ABL2: variants seen among roughly 807,000 people sequenced by gnomAD.
The protein encoded by ABL2 is tyrosine-protein kinase ABL2.
A neutral mutation model predicts 107.7 loss-of-function variants in ABL2; 49 were observed. The ratio of observed to expected loss-of-function variants is 0.45; its 90% CI spans 0.36 to 0.58. The LOEUF is 0.58. Ranked by LOEUF, ABL2 falls within the 20% of genes least tolerant of loss-of-function variation. ABL2 has a pLI of 0.00. For synonymous variants in ABL2, 549 were observed against 548.6 expected (o/e 1.00, Z -0.01); for missense variants, 1,245 against 1,457.0 (o/e 0.85, Z 2.37).
chr1:179,172,635 CAG>C (rs1360895914), intron 1 of ABL2, among the ~76,000 whole-genome samples: 1 of 152,112 alleles, frequency 6.6e-6, no homozygotes, highest in Non-Finnish European at 1.5e-5. Context: ...TCATAGGATA[CAG>C]AGTTAAAATA....
intron 1 of ABL2, chr1:179,201,645 T>C (rs1571308248): frequency 6.2e-6 from 3 of 487,570 alleles, no homozygotes; most frequent in Non-Finnish European, 1.1e-5. Context: ...AGAGTCTTCC[T>C]TTCGGGATAG....
At chr1:179,146,096 T>C (rs1472999104) in intron 1 of ABL2, among the ~76,000 whole-genome samples, 1 of 152,162 alleles carries the variant, frequency 6.6e-6, no homozygotes, top group Non-Finnish European at 1.5e-5. Context: ...GGTTTTGCCA[T>C]GTTGGCCAGG....
At position 179,107,823 on chromosome 1, in the gene ABL2, CT is replaced by C; in HGVS notation, c.3443del (p.Gln1148ArgfsTer39). On this transcript the variant is annotated frameshift_variant, in exon 12 of 12. Transcript: ENST00000502732. LOFTEE classifies it high-confidence loss of function. ...EAVSKLELSL[Q>X]ELQVSSAAAG... is the part of the protein sequence containing the mutation. ...CAGCTGCTGAAGAAACCTGTAGCTCCTGCAGGCTGAGTTCCAGTTTGCTCAC... is the reference window on the plus strand; with the variant it reads ...CAGCTGCTGAAGAAACCTGTAGCTCCGCAGGCTGAGTTCCAGTTTGCTCAC... 1 of 1,614,234 alleles carries C rather than the reference CT, an allele frequency of 6.2e-7. No individual in the cohort carries two copies. Among genetic ancestry groups the C allele is most frequent in the Middle Eastern group, 1.6e-4 (1 of 6,062 alleles).
Position 179,110,979 on chromosome 1 carries a change from GCTTT to G in ABL2, c.1652-528_1652-525del. The G allele has an allele frequency of 9.4e-6, 10 of 1,067,610 alleles. No individual in the cohort carries two copies. In the East Asian group the frequency reaches 1.1e-4, roughly 12 times the overall value. 66.1% of individuals were successfully genotyped at this position (1,067,610 alleles called of 1,614,324 possible). ...CTAAAATTTGATGTTATTATTTTTG[GCTTT>G]TTTTTTTTTTTTTTTTTGCAGATGG... On this transcript the variant is annotated intron_variant, in intron 10 of 11. Coordinates refer to ENST00000502732, the MANE Select transcript of ABL2 (RefSeq NM_007314.4).
In ABL2 at chr1:179,102,142, G is replaced by C. The variant is rs932127992; in HGVS notation, c.*5576C>G. On this transcript the variant is annotated 3_prime_UTR_variant, in exon 12 of 12. Transcript: ENST00000502732. ...TTCTCCTGCCTCAGCCTCCCCAGTA[G>C]CTGGGACTACAGGCGCCCGCCACCA... 2.4e-5 allele frequency: 4 copies of C among 164,544 alleles called. No individual in the cohort carries two copies. The highest frequency in any genetic ancestry group is 9.6e-5 in the African/African-American group (4 of 41,504). 10.2% of individuals were successfully genotyped at this position (164,544 alleles called of 1,614,324 possible).
In ABL2 at chr1:179,115,986, GATCA is replaced by G. The variant is rs535902203; in HGVS notation, c.1409-960_1409-957del. Among the ~76,000 whole-genome samples, 9 of 151,560 alleles carry G rather than the reference GATCA, an allele frequency of 5.9e-5. No homozygotes were observed. The South Asian group carries it at 1.9e-3, about 32-fold the overall frequency. The stretch of plus-strand genomic sequence containing the variant: ...TTACCTCTCAGAGCAGTAGAAACCA[GATCA>G]ATTAGGACAAATTCTAGAGGAAACC... On this transcript the variant is annotated intron_variant, in intron 8 of 11. Transcript: ENST00000502732.
intron 1 of ABL2, among the ~76,000 whole-genome samples, chr1:179,160,940 C>T (rs1302904926): frequency 6.6e-6 from 1 of 152,126 alleles, no homozygotes. Flanking sequence ...GTCTCTGTTG[C>T]AAAGGCTGGT....
intron 4 of ABL2, among the ~76,000 whole-genome samples, chr1:179,123,935 A>G (rs779866624): frequency 1.6e-4 from 24 of 151,168 alleles, no homozygotes; most frequent in Non-Finnish European, 3.1e-4. Flanking sequence ...CTAGCCTGTT[A>G]TTTATTTTTT....
intron 3 of ABL2, among the ~76,000 whole-genome samples, chr1:179,128,729 G>A (rs1422679097): frequency 1.2e-4 from 18 of 152,214 alleles, no homozygotes; most frequent in Admixed American, 2.6e-4. Flanking sequence ...CTGTCGCCAC[G>A]CGGCAGTGCA....
chr1:179,127,647 G>T (rs1254898983), intron 3 of ABL2, among the ~76,000 whole-genome samples: 1 of 152,134 alleles, frequency 6.6e-6, no homozygotes, highest in East Asian at 1.9e-4. Context: ...AGTGCCTCAG[G>T]CTCTTATCTC....
chr1:179,142,840 A>T, intron 1 of ABL2: 1 of 1,424,236 alleles, frequency 7.0e-7, no homozygotes, highest in East Asian at 2.4e-5. Flanking sequence ...AGACAAAAAC[A>T]GTAGCAGATA....
chr1:179,175,841 ATTC>A (rs774512388), intron 1 of ABL2, among the ~76,000 whole-genome samples: 106 of 133,610 alleles, frequency 7.9e-4, no homozygotes, highest in Non-Finnish European at 1.4e-3. Flanking sequence ...AAGTAGACAC[ATTC>A]TTCTTTTTTT....
chr1:179,214,996 C>T (rs377001221), intron 1 of ABL2, among the ~76,000 whole-genome samples: 1 of 152,110 alleles, frequency 6.6e-6, no homozygotes, highest in East Asian at 1.9e-4. Context: ...TCCTTCTCTA[C>T]TAAAAATACG....
intron 1 of ABL2, among the ~76,000 whole-genome samples, chr1:179,158,023 G>A (rs1331236436): frequency 6.6e-6 from 1 of 152,164 alleles, no homozygotes; most frequent in Non-Finnish European, 1.5e-5. Context: ...GATTTCCACT[G>A]ATTCTATCTT....
intron 1 of ABL2, chr1:179,184,180 C>T (rs1409542420): frequency 4.5e-6 from 2 of 444,320 alleles, no homozygotes; most frequent in Non-Finnish European, 8.4e-6. Flanking sequence ...GACAAAGACG[C>T]ACTGCATTAT....
chr1:179,229,207 C>CCCCCCCCCCCCCCCCCCCCCCCACA, intron 1 of ABL2, 34 bp downstream of exon 1: 1 of 1,485,454 alleles, frequency 6.7e-7, no homozygotes, highest in Non-Finnish European at 9.0e-7. Context: ...CCGGCCTCCC[C>CCCCCCCCCCCCCCCCCCCCCCCACA]CACGCTCTCA....
intron 1 of ABL2, among the ~76,000 whole-genome samples, chr1:179,168,109 G>T (rs962917725): frequency 2.6e-5 from 4 of 152,218 alleles, no homozygotes; most frequent in South Asian, 2.1e-4. Flanking sequence ...ATAATGGTAA[G>T]TAACAAATTC....
intron 1 of ABL2, among the ~76,000 whole-genome samples, chr1:179,223,156 G>A (rs1434597286): frequency 6.8e-6 from 1 of 147,874 alleles, no homozygotes; most frequent in Non-Finnish European, 1.5e-5. Flanking sequence ...CCTCATGTCT[G>A]TAATCCCAGC....
chr1:179,105,369 C>G lies in ABL2; in HGVS notation c.*2349G>C, dbSNP rs1653400157. Reference sequence around the variant, plus strand: ...CAATTACAATCCCTTAACTTGCATCCCACAACAACAGGGATAAACCTAAAA... The same window carrying G: ...CAATTACAATCCCTTAACTTGCATCGCACAACAACAGGGATAAACCTAAAA... On this transcript the variant is annotated 3_prime_UTR_variant, in exon 12 of 12. Coordinates refer to ENST00000502732, the MANE Select transcript of ABL2 (RefSeq NM_007314.4). 1.3e-5 allele frequency: 3 copies of G among 231,462 alleles called. No homozygotes were observed. Among genetic ancestry groups the G allele is most frequent in the Non-Finnish European group, 2.6e-5 (3 of 117,018 alleles). The allele number at this position is 231,462 out of a possible 1,614,324, so 14.3% of individuals were successfully genotyped here.
Sources: gnomAD v4.1 joint callset for allele counts (sites outside exome capture counted in the v4.1 genomes callset) on GRCh38, gnomAD v4.1.1 for gene constraint, MANE v1.5 for transcripts, NCBI Gene and HGNC (gene_info 2026-07-23, HGNC 2026-07-21) for gene names.